RPS3: variants seen among roughly 807,000 people sequenced by gnomAD.
RPS3 encodes ribosomal protein S3, also known as small ribosomal subunit protein uS3.
RPS3 carries 2 observed loss-of-function variants against 25.8 expected under a neutral mutation model. The ratio of observed to expected loss-of-function variants is 0.08; its 90% CI spans 0.03 to 0.24. The LOEUF is 0.24. Among genes scored for constraint, RPS3 ranks in the 10% least tolerant of loss-of-function variants. The probability of loss-of-function intolerance (pLI) is 1.00; values close to 1 mark genes in which losing one functional copy is unlikely to be tolerated. For missense variants in RPS3, 107 were observed against 307.1 expected, an observed-to-expected ratio of 0.35 and a Z score of 4.87; for synonymous variants, 114 against 114.2, an observed-to-expected ratio of 1.00 and a Z score of 0.01.
intron 2 of RPS3, among the ~76,000 whole-genome samples, chr11:75,401,117 C>G (rs1948203852): frequency 6.6e-6 from 1 of 152,104 alleles, no homozygotes; most frequent in Non-Finnish European, 1.5e-5. Flanking sequence ...CTCCTGACCT[C>G]GTGATCCGCC....
At chr11:75,409,864 G>T (rs1445886223), downstream of RPS3, among the ~76,000 whole-genome samples, 2 of 131,652 alleles carry the variant, frequency 1.5e-5, no homozygotes, top group African/African-American at 5.8e-5. Context: ...GGGCAGAGGG[G>T]TCCTCACTTC....
At chr11:75,399,684 G>A (rs866356929) in intron 1 of RPS3, 107 bp downstream of exon 1, 1 of 995,784 alleles carries the variant, frequency 1.0e-6, no homozygotes, top group Non-Finnish European at 1.5e-6. Flanking sequence ...CCTGGAAGCG[G>A]CCTAGGCTTC....
chr11:75,413,088 C>T (rs571632), intron 6 of RPS3, among the ~76,000 whole-genome samples: 98,272 of 152,022 alleles, frequency 0.65, 32,923 homozygotes, highest in African/African-American at 0.83. Context: ...TTATTTCAAC[C>T]TGTGAAAATT....
At chr11:75,409,165 AT>A (rs1948318003), downstream of RPS3, among the ~76,000 whole-genome samples, 4 of 150,038 alleles carry the variant, frequency 2.7e-5, no homozygotes, top group South Asian at 8.4e-4. Flanking sequence ...TTTTTATTTT[AT>A]TTATTATTAT....
At chr11:75,415,371 G>A (rs1948387288) in intron 6 of RPS3, among the ~76,000 whole-genome samples, 1 of 152,170 alleles carries the variant, frequency 6.6e-6, no homozygotes, top group South Asian at 2.1e-4. Context: ...TCTGTTTGGA[G>A]ACATTATAAC....
chr11:75,401,571 CAT>C lies in RPS3; in HGVS notation c.162-64_162-63del, dbSNP rs1948210485. 5 of 1,074,674 alleles carry C rather than the reference CAT, an allele frequency of 4.7e-6. No homozygotes were observed. In the Admixed American group the frequency reaches 5.4e-5, roughly 12 times the overall value. 66.6% of individuals were successfully genotyped at this position (1,074,674 alleles called of 1,614,324 possible). A position where few individuals can be genotyped will look rare whatever the true frequency, so the allele number is the denominator to read the frequency against. The stretch of plus-strand genomic sequence containing the variant: ...TTGTGGCAGAGATTTTGCTACCACA[CAT>C]ATATGCAAGATTTAAAGTTACATCT... On this transcript the variant is annotated intron_variant, in intron 2 of 6. Transcript: ENST00000531188.
chr11:75,410,313 G>A (rs1488304700), downstream of RPS3, among the ~76,000 whole-genome samples: 20 of 151,498 alleles, frequency 1.3e-4, no homozygotes, highest in Non-Finnish European at 2.7e-4. Context: ...CTTCTCAGAC[G>A]GGGCGGCCGG....
intron 3 of RPS3, 33 bp from the exon 4 acceptor site, chr11:75,402,319 A>G: frequency 1.2e-6 from 2 of 1,604,638 alleles, no homozygotes; most frequent in Non-Finnish European, 1.7e-6. Context: ...AATAATGGTG[A>G]TGGTAACAGG....
At chr11:75,403,935 T>G (rs775197199) in intron 4 of RPS3, 85 bp from the exon 5 acceptor site, 13 of 1,344,506 alleles carry the variant, frequency 9.7e-6, no homozygotes, top group African/African-American at 2.9e-5. Flanking sequence ...TAAAGGAACA[T>G]TGAAAACCAA....
chr11:75,410,694 C>T (rs1948347602), downstream of RPS3, among the ~76,000 whole-genome samples: 1 of 152,168 alleles, frequency 6.6e-6, no homozygotes, highest in African/African-American at 2.4e-5. Context: ...AGCCTGGGCA[C>T]CATTGAGCAC....
Position 75,418,495 on chromosome 11 carries a change from TA to T in RPS3, c.*4-3225del, listed in dbSNP as rs1234486702. On this transcript the variant is annotated intron_variant, in intron 6 of 6. Coordinates refer to the RPS3 transcript ENST00000527446. Reference sequence around the variant, plus strand: ...GCAGTGGTGGTAGGGAAAAAAAAGGTAAAAAAATTTTTTAAAAAATAAAGTA... The same window carrying T: ...GCAGTGGTGGTAGGGAAAAAAAAGGTAAAAAATTTTTTAAAAAATAAAGTA... Among the ~76,000 whole-genome samples, 13 of 152,168 alleles carry T rather than the reference TA, an allele frequency of 8.5e-5. No homozygotes were observed. The East Asian group carries it at 2.5e-3, about 29-fold the overall frequency.
downstream of RPS3, among the ~76,000 whole-genome samples, chr11:75,408,490 A>C (rs7101920): frequency 0.38 from 58,024 of 151,652 alleles, 13,714 homozygotes; most frequent in African/African-American, 0.67. Flanking sequence ...TAAAAAAAAA[A>C]CCCAGATTTG....
chr11:75,399,727 A>T, intron 1 of RPS3, 150 bp downstream of exon 1: 1 of 678,892 alleles, frequency 1.5e-6, no homozygotes, highest in Non-Finnish European at 2.6e-6. Flanking sequence ...ATGGCGGTGG[A>T]TTGAGTGAGA....
chr11:75,400,905 C>T (rs1948200105), intron 2 of RPS3, 81 bp downstream of exon 2: 2 of 1,470,846 alleles, frequency 1.4e-6, no homozygotes, highest in Non-Finnish European at 9.1e-7. Context: ...TTTTTTGAGA[C>T]GGAGTCTTGC....
chr11:75,402,375 T>A lies in RPS3; in HGVS notation c.279T>A (p.Thr93=), dbSNP rs779102234. The change falls in exon 4 of 7, where the codon ACT becomes ACA. Residue 93 remains threonine (T), a synonymous_variant. Transcript: ENST00000531188. The part of the protein sequence containing the change: ...SVELYAEKVA[T]RGLCAIAQAE... ...AGCTTTATGCTGAAAAGGTGGCCAC[T>A]AGAGGTCTGTGTGCCATTGCCCAGG... 6.2e-7 allele frequency: 1 copy of A among 1,613,944 alleles called. No individual in the cohort carries two copies. Among genetic ancestry groups the A allele is most frequent in the Admixed American group, 1.7e-5 (1 of 60,032 alleles).
downstream of RPS3, among the ~76,000 whole-genome samples, chr11:75,408,332 G>C (rs956188414): frequency 3.9e-5 from 6 of 152,090 alleles, no homozygotes; most frequent in Admixed American, 2.6e-4. Context: ...GTGAAACCCT[G>C]TCTCTACGAA....
At position 75,404,858 on chromosome 11, in the gene RPS3, C is replaced by T. The variant is rs1303382753; in HGVS notation, c.725C>T (p.Thr242Ile). 1.9e-6 allele frequency: 3 copies of T among 1,608,228 alleles called. No individual in the cohort carries two copies. Among genetic ancestry groups the T allele is most frequent in the Non-Finnish European group, 1.7e-6 (2 of 1,176,042 alleles). The change falls in exon 6 of 7, where the codon ACA becomes ATA. Residue 242 changes from threonine to isoleucine, a missense_variant. Physicochemically the swap from Thr to Ile is moderately conservative, Grantham distance 89 (BLOSUM62 -1). This residue lies in a region of RPS3 where 81 missense variants were observed against 286.8 expected (regional missense o/e 0.28). Coordinates refer to ENST00000531188, the MANE Select transcript of RPS3 (RefSeq NM_001005.5). The surrounding 1 kb of genome is among the most constrained non-coding windows in gnomAD (Gnocchi z 4.6). ...CCTGCCATGCCCCAGCCAGTCCCCA[C>T]AGCATAACAGGTATGTCTGCAAGGG... Reference protein sequence around the residue: ...EPPAMPQPVPTA With the variant: ...EPPAMPQPVPIA
chr11:75,407,013 A>G (rs1470497813), downstream of RPS3: 3 of 152,198 alleles, frequency 2.0e-5, no homozygotes, highest in South Asian at 2.1e-4. Context: ...CATGGAACCA[A>G]TCATTGGTAC....
chr11:75,411,453 A>C (rs1463272166), downstream of RPS3, among the ~76,000 whole-genome samples: 1 of 151,426 alleles, frequency 6.6e-6, no homozygotes, highest in Non-Finnish European at 1.5e-5. Flanking sequence ...GCAGTGGCGC[A>C]ATCTCGGCTC....
Sources: gnomAD v4.1 joint callset for allele counts (sites outside exome capture counted in the v4.1 genomes callset) on GRCh38, gnomAD v4.1.1 for gene constraint, gnomAD v4.1.1 regional missense constraint, Gnocchi (gnomAD v3.1) non-coding constraint, MANE v1.5 for transcripts, NCBI Gene and HGNC (gene_info 2026-07-23, HGNC 2026-07-21) for gene names.